SLC4A4: variants seen among roughly 807,000 people sequenced by gnomAD.
SLC4A4 encodes electrogenic sodium bicarbonate cotransporter 1.
Under a neutral mutation model 111.5 loss-of-function variants are expected in SLC4A4, and 27 were observed. That is an observed-to-expected ratio of 0.24 (90% CI 0.18 to 0.33). SLC4A4 has a LOEUF of 0.33. Ranked by LOEUF, SLC4A4 falls within the 10% of genes least tolerant of loss-of-function variation. The pLI is 1.00. For missense variants in SLC4A4, 909 were observed against 1,315.5 expected (o/e 0.69, Z 4.78); for synonymous variants, 443 against 463.4 (o/e 0.96, Z 0.57).
chr4:71,554,562 T>A (rs1257549250), intron 20 of SLC4A4, among the ~76,000 whole-genome samples: 1 of 151,884 alleles, frequency 6.6e-6, no homozygotes, highest in African/African-American at 2.4e-5. Context: ...TGCTTCCAAG[T>A]GCTCCAAGGT....
At chr4:71,500,771 G>A (rs181865161) in intron 16 of SLC4A4, among the ~76,000 whole-genome samples, 2 of 152,294 alleles carry the variant, frequency 1.3e-5, no homozygotes, top group East Asian at 1.9e-4. Context: ...TTGAAAATCA[G>A]TTGGCCATAA....
intron 3 of SLC4A4, among the ~76,000 whole-genome samples, chr4:71,285,366 C>T (rs1209547209): frequency 6.6e-6 from 1 of 152,070 alleles, no homozygotes; most frequent in African/African-American, 2.4e-5. Flanking sequence ...GTCAGTGGTG[C>T]TCTGTGTGGC....
At chr4:71,199,914 G>T (rs763453449) in intron 1 of SLC4A4, among the ~76,000 whole-genome samples, 12 of 152,130 alleles carry the variant, frequency 7.9e-5, no homozygotes, top group Non-Finnish European at 1.6e-4. Flanking sequence ...GCTTCCCAAA[G>T]TGCTGGGATT....
At chr4:71,464,270 T>C (rs931516178) in intron 12 of SLC4A4, among the ~76,000 whole-genome samples, 21 of 152,204 alleles carry the variant, frequency 1.4e-4, no homozygotes, top group African/African-American at 4.1e-4. Flanking sequence ...TTGTGTCACA[T>C]TGAATGTGAA....
At chr4:71,336,372 A>C (rs1728434687) in intron 3 of SLC4A4, among the ~76,000 whole-genome samples, 2 of 152,336 alleles carry the variant, frequency 1.3e-5, no homozygotes, top group African/African-American at 4.8e-5. Context: ...TGACCTTTAA[A>C]AATTTTTAAA....
chr4:71,273,873 G>A (rs1330990628), intron 3 of SLC4A4, among the ~76,000 whole-genome samples: 6 of 152,062 alleles, frequency 3.9e-5, no homozygotes, highest in Non-Finnish European at 7.4e-5. Flanking sequence ...GAAAAATGGT[G>A]GTAATACTGT....
At chr4:71,485,724 A>G (rs76098734) in intron 14 of SLC4A4, among the ~76,000 whole-genome samples, 265 of 142,368 alleles carry the variant, frequency 1.9e-3, no homozygotes, top group African/African-American at 6.3e-3. Context: ...TAAATATTTT[A>G]TCTCTTTTAG....
intron 17 of SLC4A4, 72 bp downstream of exon 17, chr4:71,532,247 T>A: frequency 2.2e-6 from 2 of 923,614 alleles, no homozygotes; most frequent in Non-Finnish European, 3.6e-6. Context: ...TAATTTATTG[T>A]GTTTCTCTTT....
At chr4:71,083,330 G>A (rs752298062) in intron 1 of SLC4A4, among the ~76,000 whole-genome samples, 1 of 150,408 alleles carries the variant, frequency 6.6e-6, no homozygotes, top group African/African-American at 2.5e-5. Flanking sequence ...TCATACATTA[G>A]ATGTAATTCA....
intron 3 of SLC4A4, among the ~76,000 whole-genome samples, chr4:71,301,760 C>T (rs1233659708): frequency 1.3e-5 from 2 of 152,216 alleles, no homozygotes; most frequent in African/African-American, 4.8e-5. Context: ...CCACCACAGC[C>T]AGCCAGGAAT....
At chr4:71,419,426 C>T (rs1722151971) in intron 7 of SLC4A4, among the ~76,000 whole-genome samples, 1 of 152,228 alleles carries the variant, frequency 6.6e-6, no homozygotes, top group East Asian at 1.9e-4. Context: ...AGCCTCACTG[C>T]CGCCTTGCAG....
chr4:71,302,011 C>T lies in SLC4A4; in HGVS notation c.254-37359C>T, dbSNP rs901997731. Among the ~76,000 whole-genome samples, 142 of 152,260 alleles carry T rather than the reference C, an allele frequency of 9.3e-4. 1 individual carries two copies. The highest frequency in any genetic ancestry group is 3.1e-3 in the African/African-American group (127 of 41,576). ...TCTATATTTGATGTTTGGTGCACTG[C>T]AAAAGATGGCATAGCTTAGTAGGAT... is the stretch of plus-strand genomic sequence containing the variant. On this transcript the variant is annotated intron_variant, in intron 3 of 25. Coordinates refer to ENST00000264485, the MANE Select transcript of SLC4A4 (RefSeq NM_001098484.3).
intron 6 of SLC4A4, among the ~76,000 whole-genome samples, chr4:71,380,355 C>T (rs997532092): frequency 2.6e-5 from 4 of 152,130 alleles, no homozygotes; most frequent in Admixed American, 6.5e-5. Context: ...AACTGAGGCT[C>T]AGTGAAGTTA....
At position 71,534,239 on chromosome 4, in the gene SLC4A4, A is replaced by T. The variant is rs766047320; in HGVS notation, c.2293A>T (p.Asn765Tyr). Residue 765 changes from asparagine to tyrosine, a missense_variant, in exon 18 of 26, where the codon AAC (asparagine) becomes TAC (tyrosine). This residue lies in a region of SLC4A4 where 264 missense variants were observed against 356.8 expected (regional missense o/e 0.74). Coordinates refer to ENST00000264485, the MANE Select transcript of SLC4A4 (RefSeq NM_001098484.3). ...TGTCTTTTTCAAGCCAACAAGTCCA[A>T]ACCGAGGTTGGTTCGTTCCACCGTT... is the stretch of plus-strand genomic sequence containing the variant. ...VPSEFKPTSPNRGWFVPPFGE... is the reference protein window; with the variant it reads ...VPSEFKPTSPYRGWFVPPFGE... 5.6e-6 allele frequency: 9 copies of T among 1,613,448 alleles called. No individual in the cohort carries two copies. The African/African-American group carries it at 1.1e-4, about 19-fold the overall frequency.
At chr4:71,456,124 G>A (rs1356853297) in intron 12 of SLC4A4, among the ~76,000 whole-genome samples, 1 of 152,166 alleles carries the variant, frequency 6.6e-6, no homozygotes, top group Non-Finnish European at 1.5e-5. Context: ...AAATTTTCCA[G>A]ATGTAATTTG....
rs186338808 is a variant in SLC4A4, at chr4:71,345,357, G to A, written c.390-4555G>A. Among the ~76,000 whole-genome samples, 14 of 152,062 alleles carry A rather than the reference G, an allele frequency of 9.2e-5. No homozygotes were observed. In the East Asian group the frequency reaches 2.7e-3, roughly 29 times the overall value. On this transcript the variant is annotated intron_variant, in intron 4 of 25. Transcript: ENST00000264485. ...TATTCATTTGAGTAGGGATATCTCT[G>A]CAAAAATGATTATTAGCTGTCAGTT...
chr4:71,139,531 G>A (rs1261599426), intron 2 of SLC4A4, among the ~76,000 whole-genome samples: 2 of 152,082 alleles, frequency 1.3e-5, no homozygotes, highest in Non-Finnish European at 2.9e-5. Flanking sequence ...GGCATCCCTA[G>A]CAGTTGATGA....
intron 8 of SLC4A4, among the ~76,000 whole-genome samples, chr4:71,443,573 G>C (rs750725711): frequency 2.6e-5 from 4 of 152,138 alleles, no homozygotes; most frequent in Non-Finnish European, 5.9e-5. Context: ...ATAGATTTCT[G>C]AATCTGAGAC....
At chr4:71,432,453 G>A (rs1723724126) in intron 7 of SLC4A4, among the ~76,000 whole-genome samples, 1 of 151,972 alleles carries the variant, frequency 6.6e-6, no homozygotes, top group Non-Finnish European at 1.5e-5. Flanking sequence ...TAACAGTCTT[G>A]GCAACTTGAT....
Sources: allele counts gnomAD v4.1 joint callset (sites outside exome capture counted in the v4.1 genomes callset), GRCh38; gene constraint gnomAD v4.1.1; regional missense constraint gnomAD v4.1.1; transcripts MANE v1.5; gene names NCBI Gene and HGNC (gene_info 2026-07-23, HGNC 2026-07-21).